LTBP1: variants seen among roughly 807,000 people sequenced by gnomAD.
LTBP1 encodes latent-transforming growth factor beta-binding protein 1.
LTBP1 carries 129 observed loss-of-function variants against 207.6 expected under a neutral mutation model. That is an observed-to-expected ratio of 0.62 (90% CI 0.54 to 0.72). LTBP1 has a LOEUF of 0.72. Ranked by LOEUF, LTBP1 falls within the 30% of genes least tolerant of loss-of-function variation. The probability of loss-of-function intolerance (pLI) is 0.00; values close to 1 mark genes in which losing one functional copy is unlikely to be tolerated. For synonymous variants in LTBP1, 963 were observed against 833.7 expected (o/e 1.16, Z -2.67); for missense variants, 2,281 against 2,217.2 (o/e 1.03, Z -0.58).
chr2:32,954,288 G>A (rs1397580532), intron 2 of LTBP1, among the ~76,000 whole-genome samples: 1 of 152,202 alleles, frequency 6.6e-6, no homozygotes, highest in East Asian at 1.9e-4. Context: ...TCGGGCTTCT[G>A]TAACAAGTTC....
chr2:33,352,135 T>G (rs2094790100), intron 26 of LTBP1, among the ~76,000 whole-genome samples: 1 of 152,066 alleles, frequency 6.6e-6, no homozygotes, highest in Admixed American at 6.6e-5. Context: ...TATTTATTTA[T>G]TTATTTTTAT....
chr2:32,965,342 A>C (rs1193570389), intron 2 of LTBP1, among the ~76,000 whole-genome samples: 2 of 152,108 alleles, frequency 1.3e-5, no homozygotes, highest in Non-Finnish European at 2.9e-5. Flanking sequence ...ATTATCACCC[A>C]ATGTCCATAG....
intron 2 of LTBP1, among the ~76,000 whole-genome samples, chr2:33,007,762 GATA>G (rs1687130132): frequency 6.6e-6 from 1 of 152,168 alleles, no homozygotes; most frequent in Admixed American, 6.5e-5. Flanking sequence ...TGGTGCATAG[GATA>G]ATAATAATTG....
In LTBP1 at chr2:33,008,938, C is replaced by T. The variant is rs556505207; in HGVS notation, c.566-11971C>T. ...GAAGCAGGCTTGGTGTGTCTGGGGA[C>T]CAGCAAGCAAGCCAGGGTGACCGGA... On this transcript the variant is annotated intron_variant, in intron 2 of 33. Transcript: ENST00000404816. Among the ~76,000 whole-genome samples the T allele has an allele frequency of 1.1e-4, 17 of 152,218 alleles. No homozygotes were observed. The South Asian group carries it at 3.3e-3, about 30-fold the overall frequency.
chr2:33,275,724 A>T, intron 17 of LTBP1, 77 bp from the exon 18 acceptor site: 1 of 1,539,376 alleles, frequency 6.5e-7, no homozygotes, highest in African/African-American at 1.4e-5. Context: ...ATTATATTTG[A>T]GCTAAGCTGG....
chr2:33,122,456 G>A (rs1325599349), intron 4 of LTBP1, among the ~76,000 whole-genome samples: 1 of 152,202 alleles, frequency 6.6e-6, no homozygotes, highest in Non-Finnish European at 1.5e-5. Context: ...GTGGGCAGTT[G>A]ACTCAAAACC....
intron 7 of LTBP1, among the ~76,000 whole-genome samples, chr2:33,216,712 T>A (rs1216989375): frequency 6.6e-6 from 1 of 152,216 alleles, no homozygotes; most frequent in East Asian, 1.9e-4. Context: ...GAGAGTCAGC[T>A]GGTCCTCCCC....
intron 7 of LTBP1, among the ~76,000 whole-genome samples, chr2:33,203,054 T>C (rs2149128988): frequency 8.2e-6 from 1 of 121,400 alleles, no homozygotes; most frequent in South Asian, 2.4e-4. Flanking sequence ...AAGAAATATT[T>C]AATTGAGTGT....
intron 8 of LTBP1, among the ~76,000 whole-genome samples, chr2:33,218,399 C>T (rs575155968): frequency 1.3e-5 from 2 of 152,002 alleles, no homozygotes; most frequent in Non-Finnish European, 2.9e-5. Flanking sequence ...CTAATAAATA[C>T]TTTTTTTTCT....
At chr2:33,312,098 A>G (rs1185518201) in intron 23 of LTBP1, among the ~76,000 whole-genome samples, 2 of 152,144 alleles carry the variant, frequency 1.3e-5, no homozygotes, top group Non-Finnish European at 2.9e-5. Flanking sequence ...TCGCTCTTTC[A>G]CTAGAGGCAG....
At chr2:33,089,363 C>T (rs1045195064) in intron 3 of LTBP1, among the ~76,000 whole-genome samples, 1 of 152,094 alleles carries the variant, frequency 6.6e-6, no homozygotes, top group African/African-American at 2.4e-5. Context: ...GAGAAGGAAA[C>T]ACTAGAGTCA....
At chr2:33,322,557 A>G (rs897872351) in intron 24 of LTBP1, among the ~76,000 whole-genome samples, 1 of 152,226 alleles carries the variant, frequency 6.6e-6, no homozygotes, top group African/African-American at 2.4e-5. Context: ...TTTTATTAAA[A>G]CAGTAGCAAG....
chr2:33,150,703 T>C (rs1269856125), intron 5 of LTBP1, among the ~76,000 whole-genome samples: 1 of 137,074 alleles, frequency 7.3e-6, no homozygotes. Context: ...TTTTCTTTTT[T>C]CTTTTTCTTT....
intron 32 of LTBP1, among the ~76,000 whole-genome samples, chr2:33,395,448 A>C (rs574261044): frequency 1.3e-5 from 2 of 152,326 alleles, no homozygotes; most frequent in Admixed American, 1.3e-4. Flanking sequence ...CCCCAATACC[A>C]GTGTATTGTT....
chr2:32,963,757 G>A (rs977711285), intron 2 of LTBP1, among the ~76,000 whole-genome samples: 3 of 152,082 alleles, frequency 2.0e-5, no homozygotes, highest in Non-Finnish European at 4.4e-5. Context: ...ACAAATGCAG[G>A]TTGTGGGACT....
rs2082021598 is a variant in LTBP1 at position 33,134,882 on chromosome 2, G to A, written c.1123G>A (p.Glu375Lys). 1 of 1,613,972 alleles carries A rather than the reference G, an allele frequency of 6.2e-7. No individual in the cohort carries two copies. The highest frequency in any genetic ancestry group is 1.3e-5 in the African/African-American group (1 of 74,880). Residue 375 changes from glutamate (E) to lysine (K), a missense_variant, in exon 5 of 34, where the codon GAG (glutamate) becomes AAG (lysine). Around this residue, in one of 3 missense-constraint regions of LTBP1, gnomAD observed 55 missense variants for 91.5 expected, o/e 0.60. Transcript: ENST00000404816. The surrounding 1 kb of genome is among the most constrained non-coding windows in gnomAD (Gnocchi z 4.4). ...CAAGGGCAGCTGTCAGAACAGCTGT[G>A]AGAAGGGGAACACCACCACTCTCAT... is the stretch of plus-strand genomic sequence containing the variant. ...CTKGSCQNSC[E>K]KGNTTTLISE...
intron 31 of LTBP1, among the ~76,000 whole-genome samples, chr2:33,387,210 T>C (rs1159632312): frequency 6.6e-6 from 1 of 152,206 alleles, no homozygotes; most frequent in African/African-American, 2.4e-5. Context: ...AAGTCTGTCT[T>C]TCAGATGTAC....
Position 33,389,234 on chromosome 2 carries a change from T to A in LTBP1, c.4762T>A (p.Tyr1588Asn). The A allele has an allele frequency of 6.2e-7, 1 of 1,614,070 alleles. No individual in the cohort carries two copies. Among genetic ancestry groups the A allele is most frequent in the Non-Finnish European group, 8.5e-7 (1 of 1,180,020 alleles). ...CCCCGTGACGGGACGCCGGCAGCCA[T>A]ATGGACGGGACGCCTTGGTTGACTT... ...NIPVTGRRQPYGRDALVDFSE... is the reference protein window; with the variant it reads ...NIPVTGRRQPNGRDALVDFSE... The change falls in exon 32 of 34, where the codon TAT becomes AAT. Residue 1588 changes from tyrosine to asparagine, a missense_variant. Coordinates refer to ENST00000404816, the MANE Select transcript of LTBP1 (RefSeq NM_206943.4).
intron 5 of LTBP1, among the ~76,000 whole-genome samples, chr2:33,159,756 G>T (rs1232523624): frequency 6.6e-6 from 1 of 152,178 alleles, no homozygotes; most frequent in East Asian, 1.9e-4. Context: ...TGTTCACTGA[G>T]TACCTTCTGT....
Sources: gnomAD v4.1 joint callset for allele counts (sites outside exome capture counted in the v4.1 genomes callset) on GRCh38, gnomAD v4.1.1 for gene constraint, gnomAD v4.1.1 regional missense constraint, Gnocchi (gnomAD v3.1) non-coding constraint, MANE v1.5 for transcripts, NCBI Gene and HGNC (gene_info 2026-07-23, HGNC 2026-07-21) for gene names.